Variants in AP5Z1 observed in about 807,000 individuals in gnomAD.
The protein encoded by AP5Z1 is adaptor related protein complex 5 subunit zeta 1.
In AP5Z1, 106 loss-of-function variants were observed where a neutral mutation model predicts 83.0. The ratio of observed to expected loss-of-function variants is 1.28; its 90% CI spans 1.09 to 1.50. The LOEUF (loss-of-function observed/expected upper bound fraction) is 1.50. AP5Z1 is among the 40% of genes most tolerant of loss of function. AP5Z1 has a pLI of 0.00. For synonymous variants in AP5Z1, 751 were observed against 514.1 expected (o/e 1.46, Z -6.23); for missense variants, 1,565 against 1,094.2 (o/e 1.43, Z -6.07).
chr7:4,779,012 C>T (rs1424506604), intron 1 of AP5Z1, among the ~76,000 whole-genome samples: 1 of 145,910 alleles, frequency 6.9e-6, no homozygotes, highest in African/African-American at 2.5e-5. Flanking sequence ...GCCTGGGTGA[C>T]AGCATAAGAC....
At chr7:4,782,583 GC>G (rs1781410524) in intron 3 of AP5Z1, among the ~76,000 whole-genome samples, 1 of 152,082 alleles carries the variant, frequency 6.6e-6, no homozygotes, top group Non-Finnish European at 1.5e-5. Context: ...GAGCTTGTGG[GC>G]CCCGGCGTAC....
chr7:4,787,035 G>A (rs1781569629), intron 10 of AP5Z1, among the ~76,000 whole-genome samples: 1 of 151,724 alleles, frequency 6.6e-6, no homozygotes, highest in African/African-American at 2.4e-5. Flanking sequence ...ACCTCCCAAA[G>A]TGCTGGGATT....
rs573731436 is a variant in AP5Z1 at position 4,794,169 on chromosome 7, C to T, written c.*2784C>T. On this transcript the variant is annotated 3_prime_UTR_variant, in exon 17 of 17. Transcript: ENST00000649063. ...TGTCAACACTCTGTATCTAGTTAAT[C>T]TGGTGGGGACATGGAGAACCTTTGT... is the stretch of plus-strand genomic sequence containing the variant. The T allele has an allele frequency of 3.3e-5, 5 of 152,218 alleles. No individual in the cohort carries two copies. The highest frequency in any genetic ancestry group is 7.3e-5 in the Non-Finnish European group (5 of 68,090). 9.4% of individuals were successfully genotyped at this position (152,218 alleles called of 1,614,324 possible). A position where few individuals can be genotyped will look rare whatever the true frequency, so the allele number is the denominator to read the frequency against.
At chr7:4,788,008 C>G in intron 11 of AP5Z1, 146 bp from the exon 12 acceptor site, 1 of 1,329,480 alleles carries the variant, frequency 7.5e-7, no homozygotes, top group Non-Finnish European at 1.0e-6. Context: ...GTCTTCACGC[C>G]CAGGCCTGGA....
At chr7:4,791,019 C>G in intron 16 of AP5Z1, 96 bp from the exon 17 acceptor site, 1 of 1,470,082 alleles carries the variant, frequency 6.8e-7, no homozygotes, top group Non-Finnish European at 9.0e-7. Context: ...TGAGCTAAAG[C>G]CACTCTGCTG....
At chr7:4,778,891 A>T (rs1261936099) in intron 1 of AP5Z1, among the ~76,000 whole-genome samples, 1 of 146,022 alleles carries the variant, frequency 6.8e-6, no homozygotes, top group East Asian at 2.0e-4. Context: ...AAGAATAAAA[A>T]AAATTCACTG....
chr7:4,785,752 C>G, intron 9 of AP5Z1, 68 bp downstream of exon 9: 3 of 1,119,064 alleles, frequency 2.7e-6, no homozygotes, highest in South Asian at 4.2e-5. Flanking sequence ...GATGGAATTT[C>G]TTCTTCCCTT....
At position 4,786,318 on chromosome 7, in the gene AP5Z1, T is replaced by A; in HGVS notation, c.1201T>A (p.Phe401Ile). 1 of 1,613,584 alleles carries A rather than the reference T, an allele frequency of 6.2e-7. No homozygotes were observed. Among genetic ancestry groups the A allele is most frequent in the Non-Finnish European group, 8.5e-7 (1 of 1,179,732 alleles). ...GTTCACCAGGATCCCGGTGGAGCAGTTCCACAGCCCCATGCTGGCCTTTGA... is the reference window on the plus strand; with the variant it reads ...GTTCACCAGGATCCCGGTGGAGCAGATCCACAGCCCCATGCTGGCCTTTGA... ...HLFTRIPVEQFHSPMLAFEFI... is the reference protein window; with the variant it reads ...HLFTRIPVEQIHSPMLAFEFI... The change falls in exon 10 of 17, where the codon TTC becomes ATC. Residue 401 changes from phenylalanine to isoleucine, a missense_variant. Transcript: ENST00000649063.
Position 4,784,298 on chromosome 7 carries a change from C to A in AP5Z1, c.717C>A (p.Asn239Lys). The A allele has an allele frequency of 6.3e-7, 1 of 1,599,728 alleles. No individual in the cohort carries two copies. Among genetic ancestry groups the A allele is most frequent in the Non-Finnish European group, 8.5e-7 (1 of 1,174,070 alleles). The change falls in exon 6 of 17, where the codon AAC (asparagine) becomes AAA (lysine). Residue 239 changes from asparagine (N) to lysine (K), a missense_variant. By Grantham distance (94) the Asn-to-Lys change is moderately conservative. Coordinates refer to ENST00000649063, the MANE Select transcript of AP5Z1 (RefSeq NM_014855.3). ...GCTTCACAGACGACCAGTGGCTGAA[C>A]GTGCAGGCCTTCTCTATGCTGCGGG... The part of the protein sequence containing the change: ...GHRFTDDQWL[N>K]VQAFSMLRAW...
In AP5Z1 at chr7:4,790,524, G is replaced by A. The variant is rs368020231; in HGVS notation, c.1871G>A (p.Arg624Lys). The A allele has an allele frequency of 1.9e-6, 3 of 1,613,080 alleles. No homozygotes were observed. Among genetic ancestry groups the A allele is most frequent in the African/African-American group, 2.7e-5 (2 of 74,930 alleles). Residue 624 changes from arginine to lysine, a missense_variant, in exon 15 of 17, where the codon AGA (arginine) becomes AAA (lysine). Physicochemically the swap from Arg to Lys is conservative, Grantham distance 26. Coordinates refer to ENST00000649063, the MANE Select transcript of AP5Z1 (RefSeq NM_014855.3). The part of the protein sequence containing the change: ...LKPSLVVELA[R>K]DLLEFLGSVN... Reference sequence around the variant, plus strand: ...CCCTCCCTGGTGGTGGAGCTGGCAAGAGACCTGCTGGAGTTCCTGGGCAGC... The same window carrying A: ...CCCTCCCTGGTGGTGGAGCTGGCAAAAGACCTGCTGGAGTTCCTGGGCAGC...
At chr7:4,779,882 A>G (rs1398838394) in intron 1 of AP5Z1, among the ~76,000 whole-genome samples, 1 of 151,954 alleles carries the variant, frequency 6.6e-6, no homozygotes, top group East Asian at 1.9e-4. Context: ...ACCTCAGGTG[A>G]TCAGCCCGCC....
intron 14 of AP5Z1, 128 bp from the exon 15 acceptor site, chr7:4,790,331 C>T (rs1247727503): frequency 6.4e-6 from 10 of 1,555,948 alleles, no homozygotes; most frequent in Admixed American, 5.8e-5. Flanking sequence ...CTTCTGTGTT[C>T]CTCTATCGGA....
Position 4,788,885 on chromosome 7 carries a change from CCG to C in AP5Z1, c.1644_1645del (p.Val549GlyfsTer23). ...QLLQPMAGCARVAQCAQAVPT... is the reference protein window; with the variant it reads ...QLLQPMAGCAXVAQCAQAVPT... ...TGCTGCAGCCCATGGCCGGCTGTGC[CCG>C]CGTGGCCCAGTGTGCCCAGGCCGTG... On this transcript the variant is annotated frameshift_variant, in exon 13 of 17. Coordinates refer to ENST00000649063, the MANE Select transcript of AP5Z1 (RefSeq NM_014855.3). LOFTEE classifies it high-confidence loss of function. 6.2e-7 allele frequency: 1 copy of C among 1,610,630 alleles called. No homozygotes were observed. The highest frequency in any genetic ancestry group is 8.5e-7 in the Non-Finnish European group (1 of 1,179,228).
At chr7:4,783,566 G>C (rs1204478050) in intron 4 of AP5Z1, 106 bp downstream of exon 4, 1 of 1,539,974 alleles carries the variant, frequency 6.5e-7, no homozygotes, top group Non-Finnish European at 8.8e-7. Flanking sequence ...GGGGACACGG[G>C]GAGGCCCGAG....
At chr7:4,786,127 A>G in intron 9 of AP5Z1, 123 bp from the exon 10 acceptor site, 1 of 1,011,486 alleles carries the variant, frequency 9.9e-7, no homozygotes, top group Non-Finnish European at 1.4e-6. Flanking sequence ...GTCCCAGCGT[A>G]GGACGCCTCG....
At chr7:4,787,932 C>T (rs889467228) in intron 11 of AP5Z1, among the ~76,000 whole-genome samples, 156 bp downstream of exon 11, 1 of 152,144 alleles carries the variant, frequency 6.6e-6, no homozygotes, top group African/African-American at 2.4e-5. Context: ...ACCTCTAGGA[C>T]AGGGTGTGTC....
chr7:4,785,777 T>TC, intron 9 of AP5Z1, 93 bp downstream of exon 9: 1 of 1,370,636 alleles, frequency 7.3e-7, no homozygotes, highest in Non-Finnish European at 9.5e-7. Context: ...TTTTTTTTTT[T>TC]TTTGATTGAA....
rs1583243859 is a variant in AP5Z1 at position 4,791,520 on chromosome 7, C to G, written c.*135C>G. The G allele has an allele frequency of 7.6e-7, 1 of 1,311,372 alleles. No homozygotes were observed. Among genetic ancestry groups the G allele is most frequent in the African/African-American group, 1.5e-5 (1 of 67,400 alleles). The allele number at this position is 1,311,372 out of a possible 1,614,324, so 81.2% of individuals were successfully genotyped here. A position where few individuals can be genotyped will look rare whatever the true frequency, so the allele number is the denominator to read the frequency against. On this transcript the variant is annotated 3_prime_UTR_variant, in exon 17 of 17. Coordinates refer to ENST00000649063, the MANE Select transcript of AP5Z1 (RefSeq NM_014855.3). The stretch of plus-strand genomic sequence containing the variant: ...GGCAAGGCCCACGGTGGGCTTGGCA[C>G]CCTCACAGACACGCGGGGCTGGCCC...
chr7:4,792,822 A>C lies in AP5Z1; in HGVS notation c.*1437A>C, dbSNP rs1459004510. On this transcript the variant is annotated 3_prime_UTR_variant, in exon 17 of 17. Coordinates refer to ENST00000649063, the MANE Select transcript of AP5Z1 (RefSeq NM_014855.3). Reference sequence around the variant, plus strand: ...TGCGTGCCAGTGCGCGGGTCTCGGGATCACTTCCCAGTGCGGTGCACGACC... The same window carrying C: ...TGCGTGCCAGTGCGCGGGTCTCGGGCTCACTTCCCAGTGCGGTGCACGACC... 1 of 152,350 alleles carries C rather than the reference A, an allele frequency of 6.6e-6. No individual in the cohort carries two copies. The highest frequency in any genetic ancestry group is 1.5e-5 in the Non-Finnish European group (1 of 68,124). The allele number at this position is 152,350 out of a possible 1,614,324, so 9.4% of individuals were successfully genotyped here.
Sources: allele counts gnomAD v4.1 joint callset (sites outside exome capture counted in the v4.1 genomes callset), GRCh38; gene constraint gnomAD v4.1.1; transcripts MANE v1.5; gene names NCBI Gene and HGNC (gene_info 2026-07-23, HGNC 2026-07-21).